The following HOXB3 variants were observed in gnomAD, a reference collection of about 807,000 sequenced individuals.
HOXB3 encodes homeobox B3, also known as homeobox protein Hox-B3.
A neutral mutation model predicts 29.2 loss-of-function variants in HOXB3; 17 were observed. The observed-to-expected ratio is 0.58, with a 90% CI of 0.40 to 0.87. The LOEUF (loss-of-function observed/expected upper bound fraction) is 0.87, where lower values mean the gene tolerates loss of function less well. Ranked by LOEUF, HOXB3 falls within the 40% of genes least tolerant of loss-of-function variation. The pLI, the probability that HOXB3 is intolerant of heterozygous loss-of-function variation, is 0.00. For missense variants in HOXB3, 637 were observed against 616.3 expected (o/e 1.03, Z -0.35); for synonymous variants, 317 against 285.9 (o/e 1.11, Z -1.10).
At chr17:48,564,407 C>G (rs1046070897) in intron 2 of HOXB3, among the ~76,000 whole-genome samples, 2 of 152,040 alleles carry the variant, frequency 1.3e-5, no homozygotes, top group Admixed American at 1.3e-4. Context: ...GGGAGAGGCC[C>G]GGATGCGCTC....
In HOXB3 at chr17:48,558,569, G is replaced by A. The variant is rs1376769482; in HGVS notation, c.-246-2951C>T. Among the ~76,000 whole-genome samples the A allele has an allele frequency of 3.3e-5, 5 of 152,114 alleles. No homozygotes were observed. The South Asian group carries it at 8.3e-4, about 25-fold the overall frequency. On this transcript the variant is annotated intron_variant, in intron 2 of 4. Coordinates refer to ENST00000498678, the MANE Select transcript of HOXB3 (RefSeq NM_001384749.1). ...TCTTCCATTCTCAGAGGTCTCTGGC[G>A]AGCAGGCGGGCTGCCCTCTGATTAG...
At chr17:48,589,800 T>A (rs1024406422) in intron 1 of HOXB3, among the ~76,000 whole-genome samples, 5 of 152,138 alleles carry the variant, frequency 3.3e-5, no homozygotes, top group African/African-American at 1.2e-4. Context: ...CCCCCACCAA[T>A]GGCCCCTTCT....
At chr17:48,574,933 C>T (rs1365645447) in intron 1 of HOXB3, 1 of 152,222 alleles carries the variant, frequency 6.6e-6, no homozygotes, top group Non-Finnish European at 1.5e-5. Context: ...ATGGCACTGG[C>T]TAGCTTCTTT....
chr17:48,559,102 G>A lies in HOXB3; in HGVS notation c.-246-3484C>T, dbSNP rs115567083. ...CAGACATCTTTTCCTCTTCCATTCC[G>A]TTTCTTCAGAGCCAGAGCACTCGCT... is the stretch of plus-strand genomic sequence containing the variant. On this transcript the variant is annotated intron_variant, in intron 2 of 4. Transcript: ENST00000498678. Among the ~76,000 whole-genome samples, 563 of 151,770 alleles carry A rather than the reference G, an allele frequency of 3.7e-3. 7 individuals are homozygous for A. Among genetic ancestry groups the A allele is most frequent in the African/African-American group, 0.013 (520 of 41,386 alleles).
rs1224127517 is a variant in HOXB3 at position 48,550,865 on chromosome 17, C to A, written c.765G>T (p.Ser255=). Residue 255 remains serine, a synonymous_variant, in exon 5 of 5, where the codon TCG becomes TCT. Transcript: ENST00000498678. ...KDQKAKGLAS[S]SGGPSPAGSP... ...TGCCGGCTGGAGATGGGCCCCCCGA[C>A]GACGAGGCCAATCCCTTGGCCTTCT... is the stretch of plus-strand genomic sequence containing the variant. 6.2e-7 allele frequency: 1 copy of A among 1,613,924 alleles called. No homozygotes were observed. Among genetic ancestry groups the A allele is most frequent in the South Asian group, 1.1e-5 (1 of 91,088 alleles).
chr17:48,586,761 G>A (rs2070055170), intron 1 of HOXB3, among the ~76,000 whole-genome samples: 2 of 152,272 alleles, frequency 1.3e-5, no homozygotes, highest in East Asian at 3.9e-4. Flanking sequence ...GGAGGGATAG[G>A]AGAAAGGAGA....
intron 1 of HOXB3, chr17:48,577,006 C>G: frequency 6.2e-7 from 1 of 1,603,466 alleles, no homozygotes. Flanking sequence ...TCCCCGCCGG[C>G]GTAATTGGGG....
chr17:48,576,025 C>T (rs973474006), intron 1 of HOXB3: 1 of 152,442 alleles, frequency 6.6e-6, no homozygotes, highest in Non-Finnish European at 1.5e-5. Context: ...CTCCCCTCCT[C>T]TGTTGCCCAC....
intron 1 of HOXB3, chr17:48,578,306 G>A: frequency 1.2e-6 from 2 of 1,609,764 alleles, no homozygotes; most frequent in South Asian, 2.2e-5. Context: ...GATCAAAAAA[G>A]AACTCATAGC....
intron 1 of HOXB3, among the ~76,000 whole-genome samples, chr17:48,577,262 G>A (rs776697350): frequency 6.6e-6 from 1 of 152,112 alleles, no homozygotes; most frequent in South Asian, 2.1e-4. Context: ...GAAGGGGGGC[G>A]TGTGAGGACT....
At chr17:48,580,285 G>T (rs2069901543) in intron 1 of HOXB3, 2 of 153,448 alleles carry the variant, frequency 1.3e-5, no homozygotes, top group Non-Finnish European at 2.8e-5. Flanking sequence ...GCCTTTCTGG[G>T]TGCCTTCGCG....
chr17:48,586,540 T>C (rs1297706555), intron 1 of HOXB3, among the ~76,000 whole-genome samples: 1 of 152,190 alleles, frequency 6.6e-6, no homozygotes, highest in Non-Finnish European at 1.5e-5. Flanking sequence ...TGCTGACCTC[T>C]GCATGATCCC....
Position 48,554,292 on chromosome 17 carries a change from G to C in HOXB3, c.-159+1239C>G. 1 of 255,350 alleles carries C rather than the reference G, an allele frequency of 3.9e-6. No homozygotes were observed. The allele number at this position is 255,350 out of a possible 1,614,324, so 15.8% of individuals were successfully genotyped here. A position where few individuals can be genotyped will look rare whatever the true frequency, so the allele number is the denominator to read the frequency against. ...TAAAAACGTTGGAGGGGGTTGGCTGGCTAGGCCCTGGCTTTATTTAGTCTG... is the reference window on the plus strand; with the variant it reads ...TAAAAACGTTGGAGGGGGTTGGCTGCCTAGGCCCTGGCTTTATTTAGTCTG... On this transcript the variant is annotated intron_variant, in intron 3 of 4. Transcript: ENST00000498678. This position sits in a 1 kb window ranked among gnomAD's most constrained non-coding sequence, Gnocchi z 4.1.
intron 2 of HOXB3, among the ~76,000 whole-genome samples, chr17:48,571,403 G>A (rs986659965): frequency 5.9e-5 from 9 of 152,230 alleles, no homozygotes; most frequent in African/African-American, 2.2e-4. Context: ...CAGGACAGGC[G>A]GGTGGAAGTA....
intron 1 of HOXB3, among the ~76,000 whole-genome samples, chr17:48,586,244 A>G (rs1205511641): frequency 1.3e-5 from 2 of 152,248 alleles, no homozygotes; most frequent in African/African-American, 2.4e-5. Context: ...AAGAGAGGGA[A>G]GAGAAACGTT....
intron 1 of HOXB3, among the ~76,000 whole-genome samples, chr17:48,588,609 G>A (rs963004629): frequency 6.6e-6 from 1 of 152,228 alleles, no homozygotes; most frequent in Non-Finnish European, 1.5e-5. Flanking sequence ...GAAGACTGTG[G>A]AAGCTGTGCC....
rs1555635559 is a variant in HOXB3, at chr17:48,552,579, C to CCT, written c.-106_-105insAG. On this transcript the variant is annotated 5_prime_UTR_variant, in exon 4 of 5. An upstream open reading frame in the 5' UTR gains an earlier in-frame stop. Transcript: ENST00000498678. ...GTCACGTGACACGCCGGACCCCCCC[C>CCT]CCCCACCTCCCCTCTCTGCCCCCCT... is the stretch of plus-strand genomic sequence containing the variant. 6.5e-6 allele frequency: 5 copies of CCT among 764,566 alleles called. No individual in the cohort carries two copies. The East Asian group carries it at 8.7e-5, about 13-fold the overall frequency. The allele number at this position is 764,566 out of a possible 1,614,324, so 47.4% of individuals were successfully genotyped here. A position where few individuals can be genotyped will look rare whatever the true frequency, so the allele number is the denominator to read the frequency against.
At chr17:48,566,387 AG>A (rs1476853666) in intron 2 of HOXB3, among the ~76,000 whole-genome samples, 1 of 147,364 alleles carries the variant, frequency 6.8e-6, no homozygotes, top group Non-Finnish European at 1.5e-5. Flanking sequence ...AGGGAAGGGG[AG>A]GGGGTATCAG....
rs1192885891 is a variant in HOXB3 at position 48,554,839 on chromosome 17, G to T, written c.-159+692C>A. 2.8e-6 allele frequency: 2 copies of T among 702,372 alleles called. No individual in the cohort carries two copies. Among genetic ancestry groups the T allele is most frequent in the Non-Finnish European group, 5.2e-6 (2 of 384,822 alleles). The allele number at this position is 702,372 out of a possible 1,614,324, so 43.5% of individuals were successfully genotyped here. On this transcript the variant is annotated intron_variant, in intron 3 of 4. Coordinates refer to ENST00000498678, the MANE Select transcript of HOXB3 (RefSeq NM_001384749.1). The surrounding 1 kb of genome is among the most constrained non-coding windows in gnomAD (Gnocchi z 4.1). ...GGGCTCCGGGTTGGAGGGCGCCGAGGCCTGGCGGACGGGACAGTGGGAAGA... is the reference window on the plus strand; with the variant it reads ...GGGCTCCGGGTTGGAGGGCGCCGAGTCCTGGCGGACGGGACAGTGGGAAGA...
Sources: gnomAD v4.1 joint callset for allele counts (sites outside exome capture counted in the v4.1 genomes callset) on GRCh38, gnomAD v4.1.1 for gene constraint, Gnocchi (gnomAD v3.1) non-coding constraint, MANE v1.5 for transcripts, NCBI Gene and HGNC (gene_info 2026-07-23, HGNC 2026-07-21) for gene names.